The following MACROH2A1 variants were observed in gnomAD, a reference collection of about 807,000 sequenced individuals.
MACROH2A1 encodes macroH2A.1 histone.
Under a neutral mutation model 31.6 loss-of-function variants are expected in MACROH2A1, and 2 were observed. The ratio of observed to expected loss-of-function variants is 0.06; its 90% CI spans 0.03 to 0.20. The LOEUF is 0.20. MACROH2A1 is among the 10% of genes least tolerant of loss of function. The pLI, the probability that MACROH2A1 is intolerant of heterozygous loss-of-function variation, is 1.00. For synonymous variants in MACROH2A1, 169 were observed against 189.6 expected (o/e 0.89, Z 0.89); for missense variants, 230 against 474.0 (o/e 0.49, Z 4.78).
chr5:135,382,406 A>G (rs575425335), intron 2 of MACROH2A1, among the ~76,000 whole-genome samples: 3 of 152,344 alleles, frequency 2.0e-5, no homozygotes, highest in African/African-American at 7.2e-5. Context: ...TAGCAATGAG[A>G]TTTTCAACAA....
At chr5:135,364,838 C>G (rs976775670) in intron 4 of MACROH2A1, among the ~76,000 whole-genome samples, 1 of 152,176 alleles carries the variant, frequency 6.6e-6, no homozygotes, top group Non-Finnish European at 1.5e-5. Flanking sequence ...CTTACCAGAA[C>G]GTTAATCACT....
In MACROH2A1 at chr5:135,398,890, G is replaced by A. The variant is rs1768436919; in HGVS notation, c.-34+172C>T. The stretch of plus-strand genomic sequence containing the variant: ...ATCCCGCGCGGCCCGACAAGGCCTG[G>A]GAGGACGTAGTGCACGCGCGAGGAC... On this transcript the variant is annotated intron_variant, in intron 1 of 8. Coordinates refer to ENST00000511689, the MANE Select transcript of MACROH2A1 (RefSeq NM_138610.3). The surrounding 1 kb of genome is among the most constrained non-coding windows in gnomAD (Gnocchi z 4.6). 6.8e-6 allele frequency among the ~76,000 whole-genome samples: 1 copy of A among 148,006 alleles called. No individual in the cohort carries two copies. The highest frequency in any genetic ancestry group is 1.5e-5 in the Non-Finnish European group (1 of 66,792).
intron 2 of MACROH2A1, among the ~76,000 whole-genome samples, chr5:135,375,546 G>A (rs568741532): frequency 1.8e-3 from 268 of 152,318 alleles, no homozygotes; most frequent in African/African-American, 4.9e-3. Flanking sequence ...GCAAGATGAA[G>A]TCATGGTTTG....
Position 135,334,732 on chromosome 5 carries a change from C to T in MACROH2A1, c.*244G>A, listed in dbSNP as rs1758380244. On this transcript the variant is annotated 3_prime_UTR_variant, in exon 9 of 9. Transcript: ENST00000511689. ...TAAAACTATAAAATCTCCTAGGTTACACTAAGTCAGACACGGTCTGGAACA... is the reference window on the plus strand; with the variant it reads ...TAAAACTATAAAATCTCCTAGGTTATACTAAGTCAGACACGGTCTGGAACA... The T allele has an allele frequency of 1.4e-5, 6 of 430,278 alleles. No homozygotes were observed. The East Asian group carries it at 2.2e-4, about 16-fold the overall frequency. The allele number at this position is 430,278 out of a possible 1,614,324, so 26.7% of individuals were successfully genotyped here.
At chr5:135,339,558 C>T (rs1210843662) in intron 8 of MACROH2A1, among the ~76,000 whole-genome samples, 5 of 152,144 alleles carry the variant, frequency 3.3e-5, no homozygotes, top group African/African-American at 4.8e-5. Flanking sequence ...AGACAGATTG[C>T]GAGCTTGCAA....
At chr5:135,371,368 G>A (rs897970111) in intron 2 of MACROH2A1, among the ~76,000 whole-genome samples, 2 of 152,212 alleles carry the variant, frequency 1.3e-5, no homozygotes, top group East Asian at 1.9e-4. Context: ...AAACAAATAT[G>A]TAAGGTGATG....
At chr5:135,337,511 C>G (rs1758957224) in intron 8 of MACROH2A1, among the ~76,000 whole-genome samples, 1 of 152,264 alleles carries the variant, frequency 6.6e-6, no homozygotes, top group East Asian at 1.9e-4. Context: ...TGGACCCTTA[C>G]AAAAGAGTAT....
intron 1 of MACROH2A1, among the ~76,000 whole-genome samples, chr5:135,392,144 TC>T (rs1470617080): frequency 6.6e-6 from 1 of 152,186 alleles, no homozygotes; most frequent in Non-Finnish European, 1.5e-5. Context: ...ACTCACAGCC[TC>T]CCTCTGCCAT....
intron 4 of MACROH2A1, chr5:135,361,374 A>G (rs1156362385): frequency 6.6e-6 from 1 of 152,398 alleles, no homozygotes; most frequent in Non-Finnish European, 1.5e-5. Flanking sequence ...AGCTCCTTTC[A>G]TAACTACCCT....
chr5:135,345,838 T>C, intron 7 of MACROH2A1, 130 bp downstream of exon 7: 1 of 670,078 alleles, frequency 1.5e-6, no homozygotes, highest in Non-Finnish European at 2.8e-6. Context: ...CTACAGGCTG[T>C]CCTTGGCCTC....
At chr5:135,394,500 C>T (rs750281522) in intron 1 of MACROH2A1, among the ~76,000 whole-genome samples, 1 of 152,214 alleles carries the variant, frequency 6.6e-6, no homozygotes, top group Non-Finnish European at 1.5e-5. Flanking sequence ...TCCCAGTTCC[C>T]TCAATGGATG....
chr5:135,375,316 T>G (rs865850604), intron 2 of MACROH2A1, among the ~76,000 whole-genome samples: 1 of 152,170 alleles, frequency 6.6e-6, no homozygotes, highest in African/African-American at 2.4e-5. Flanking sequence ...TGAACATGAC[T>G]GTTTTAAGGC....
intron 4 of MACROH2A1, among the ~76,000 whole-genome samples, chr5:135,363,763 C>T (rs990223470): frequency 2.6e-5 from 4 of 152,214 alleles, no homozygotes; most frequent in Non-Finnish European, 5.9e-5. Flanking sequence ...CTGTCTTCCA[C>T]AATGGTTGAA....
intron 7 of MACROH2A1, chr5:135,343,708 G>A: frequency 2.1e-6 from 1 of 471,130 alleles, no homozygotes; most frequent in Non-Finnish European, 3.9e-6. Context: ...AAGCATACAC[G>A]GTTCTCCCAG....
chr5:135,357,519 A>C (rs1489323720), intron 5 of MACROH2A1: 1 of 155,546 alleles, frequency 6.4e-6, no homozygotes, highest in East Asian at 1.9e-4. Context: ...AAGGAGACTC[A>C]TCACAGCCTC....
intron 8 of MACROH2A1, among the ~76,000 whole-genome samples, chr5:135,339,343 G>C (rs1759379249): frequency 6.6e-6 from 1 of 152,262 alleles, no homozygotes; most frequent in East Asian, 1.9e-4. Context: ...GGGACTCTAG[G>C]TGCACCAAGG....
chr5:135,366,324 G>A (rs945616074), intron 4 of MACROH2A1, among the ~76,000 whole-genome samples: 4 of 152,196 alleles, frequency 2.6e-5, no homozygotes, highest in African/African-American at 4.8e-5. Flanking sequence ...TCTACATGCA[G>A]AGACATGGAA....
rs545076802 is a variant in MACROH2A1, at chr5:135,386,772, CTGAGA to C, written c.172+2145_172+2149del. ...TCTATGCAGCACCGGTAGTAGTTGCCTGAGATATGACAAAGCAATGGTATTCCCCA... is the reference window on the plus strand; with the variant it reads ...TCTATGCAGCACCGGTAGTAGTTGCCTATGACAAAGCAATGGTATTCCCCA... On this transcript the variant is annotated intron_variant, in intron 2 of 8. Coordinates refer to ENST00000511689, the MANE Select transcript of MACROH2A1 (RefSeq NM_138610.3). Among the ~76,000 whole-genome samples, 158 of 152,264 alleles carry C rather than the reference CTGAGA, an allele frequency of 1.0e-3. 1 individual carries two copies. Among genetic ancestry groups the C allele is most frequent in the African/African-American group, 3.3e-3 (137 of 41,526 alleles).
chr5:135,359,600 GC>G, intron 5 of MACROH2A1: 4 of 984,378 alleles, frequency 4.1e-6, no homozygotes, highest in Non-Finnish European at 4.8e-6. Context: ...AGGAGAACTT[GC>G]AATGACGTGA....
Sources: allele counts gnomAD v4.1 joint callset (sites outside exome capture counted in the v4.1 genomes callset), GRCh38; gene constraint gnomAD v4.1.1; non-coding constraint Gnocchi (gnomAD v3.1); transcripts MANE v1.5; gene names NCBI Gene and HGNC (gene_info 2026-07-23, HGNC 2026-07-21).